The following MLYCD variants were observed in gnomAD, a reference collection of about 807,000 sequenced individuals.
MLYCD encodes malonyl-CoA decarboxylase.
A neutral mutation model predicts 35.8 loss-of-function variants in MLYCD; 27 were observed. The ratio of observed to expected loss-of-function variants is 0.75; its 90% CI spans 0.56 to 1.04. The LOEUF (loss-of-function observed/expected upper bound fraction) is 1.04, where lower values mean the gene tolerates loss of function less well. Among genes scored for constraint, MLYCD ranks in the 50% least tolerant of loss-of-function variants. The probability of loss-of-function intolerance (pLI) is 0.00; values close to 1 mark genes in which losing one functional copy is unlikely to be tolerated. For missense variants in MLYCD, 917 were observed against 665.1 expected (o/e 1.38, Z -4.17); for synonymous variants, 403 against 302.4 (o/e 1.33, Z -3.45).
chr16:83,919,447 G>C lies in MLYCD; in HGVS notation c.*3958G>C, dbSNP rs914988487. ...GCACACAGGAGAACATGCACACACAGTGCACAGGAGAACACAGTGCACAGG... is the reference window on the plus strand; with the variant it reads ...GCACACAGGAGAACATGCACACACACTGCACAGGAGAACACAGTGCACAGG... On this transcript the variant is annotated 3_prime_UTR_variant, in exon 5 of 5. Coordinates refer to ENST00000262430, the MANE Select transcript of MLYCD (RefSeq NM_012213.3). 2.0e-5 allele frequency: 3 copies of C among 146,680 alleles called. No individual in the cohort carries two copies. The highest frequency in any genetic ancestry group is 7.7e-5 in the African/African-American group (3 of 38,962). The allele number at this position is 146,680 out of a possible 1,614,324, so 9.1% of individuals were successfully genotyped here.
At position 83,917,560 on chromosome 16, in the gene MLYCD, C is replaced by T. The variant is rs115899680; in HGVS notation, c.*2071C>T. The T allele has an allele frequency of 0.02, 3,047 of 153,058 alleles. 113 individuals carry two copies. Among genetic ancestry groups the T allele is most frequent in the African/African-American group, 0.069 (2,874 of 41,582 alleles). The allele number at this position is 153,058 out of a possible 1,614,324, so 9.5% of individuals were successfully genotyped here. A position where few individuals can be genotyped will look rare whatever the true frequency, so the allele number is the denominator to read the frequency against. On this transcript the variant is annotated 3_prime_UTR_variant, in exon 5 of 5. Coordinates refer to ENST00000262430, the MANE Select transcript of MLYCD (RefSeq NM_012213.3). ...GTACGGCGTGTTGCTTCGTGACAGA[C>T]GGTGTGATCGCGGGAGCTGTCTCAT... is the stretch of plus-strand genomic sequence containing the variant.
At chr16:83,907,881 A>T (rs1192165088) in intron 2 of MLYCD, among the ~76,000 whole-genome samples, 16 of 152,190 alleles carry the variant, frequency 1.1e-4, no homozygotes, top group Non-Finnish European at 4.4e-5. Flanking sequence ...GGAGCCTCAC[A>T]AACTCCTTTT....
rs745604653 is a variant in MLYCD at position 83,899,157 on chromosome 16, G to C, written c.13G>C (p.Gly5Arg). The C allele has an allele frequency of 5.2e-6, 6 of 1,148,884 alleles. No individual in the cohort carries two copies. In the African/African-American group the frequency reaches 9.9e-5, roughly 19 times the overall value. The allele number at this position is 1,148,884 out of a possible 1,614,324, so 71.2% of individuals were successfully genotyped here. A position where few individuals can be genotyped will look rare whatever the true frequency, so the allele number is the denominator to read the frequency against. ...GTTGTGGGGCACCATGCGAGGCTTCGGGCCAGGCTTGACGGCCAGGCGTCT... is the reference window on the plus strand; with the variant it reads ...GTTGTGGGGCACCATGCGAGGCTTCCGGCCAGGCTTGACGGCCAGGCGTCT... MRGFGPGLTARRLLP... is the reference protein window; with the variant it reads MRGFRPGLTARRLLP... Residue 5 changes from glycine (G) to arginine (R), a missense_variant, in exon 1 of 5, where the codon GGG becomes CGG. Gly to Arg is a moderately radical substitution (Grantham distance 125, BLOSUM62 -2). Transcript: ENST00000262430.
rs141908491 is a variant in MLYCD at position 83,918,757 on chromosome 16, G to GCA, written c.*3273_*3274dup. On this transcript the variant is annotated 3_prime_UTR_variant, in exon 5 of 5. Transcript: ENST00000262430. The stretch of plus-strand genomic sequence containing the variant: ...CAGAACACAGTGCACAGGAGAACAC[G>GCA]CACACAGTGCACAGAGAACCACACA... 0.18 allele frequency: 24,101 copies of GCA among 132,402 alleles called. 2,078 individuals carry two copies. The highest frequency in any genetic ancestry group is 0.22 in the African/African-American group (7,623 of 34,942). The allele number at this position is 132,402 out of a possible 1,614,324, so 8.2% of individuals were successfully genotyped here.
At chr16:83,911,541 C>G (rs17783909) in intron 3 of MLYCD, 10,932 of 153,834 alleles carry the variant, frequency 0.071, 476 homozygotes, top group Non-Finnish European at 0.095. Flanking sequence ...GAAAACGCTG[C>G]CGTGAGAATG....
chr16:83,915,066 A>C lies in MLYCD; in HGVS notation c.1059A>C (p.Glu353Asp), dbSNP rs1298654618. ...NSQTKEHGRN[E>D]LFTDSECKEI... Reference sequence around the variant, plus strand: ...AAACGAAGGAGCATGGGAGGAATGAACTCTTTACAGATTCGGAATGTAAGG... The same window carrying C: ...AAACGAAGGAGCATGGGAGGAATGACCTCTTTACAGATTCGGAATGTAAGG... The change falls in exon 5 of 5, where the codon GAA becomes GAC. Residue 353 changes from glutamate (E) to aspartate (D), a missense_variant. By Grantham distance (45) the Glu-to-Asp change is conservative. Coordinates refer to ENST00000262430, the MANE Select transcript of MLYCD (RefSeq NM_012213.3). 6.2e-7 allele frequency: 1 copy of C among 1,614,110 alleles called. No individual in the cohort carries two copies. Among genetic ancestry groups the C allele is most frequent in the South Asian group, 1.1e-5 (1 of 91,090 alleles).
intron 1 of MLYCD, among the ~76,000 whole-genome samples, chr16:83,903,708 G>A (rs1438774120): frequency 6.6e-6 from 1 of 152,262 alleles, no homozygotes; most frequent in Non-Finnish European, 1.5e-5. Flanking sequence ...TACTTGGGAG[G>A]TTCAGCTGAG....
chr16:83,912,353 G>T lies in MLYCD; in HGVS notation c.934G>T (p.Val312Phe). 2 of 1,614,148 alleles carry T rather than the reference G, an allele frequency of 1.2e-6. No individual in the cohort carries two copies. Among genetic ancestry groups the T allele is most frequent in the African/African-American group, 1.3e-5 (1 of 75,022 alleles). Reference sequence around the variant, plus strand: ...GGGAACATTCCTCATAAAGCGAGTCGTCAAGGAGTTGCAGGTAAGCGACAC... The same window carrying T: ...GGGAACATTCCTCATAAAGCGAGTCTTCAAGGAGTTGCAGGTAAGCGACAC... ...ELGTFLIKRV[V>F]KELQREFPHL... The change falls in exon 4 of 5, where the codon GTC becomes TTC. Residue 312 changes from valine to phenylalanine, a missense_variant. By Grantham distance (50) the Val-to-Phe change is conservative. Transcript: ENST00000262430.
chr16:83,915,939 G>A lies in MLYCD; in HGVS notation c.*450G>A, dbSNP rs148426570. The A allele has an allele frequency of 1.4e-4, 146 of 1,070,832 alleles. 1 individual carries two copies. The African/African-American group carries it at 1.8e-3, about 13-fold the overall frequency. 66.3% of individuals were successfully genotyped at this position (1,070,832 alleles called of 1,614,324 possible). On this transcript the variant is annotated 3_prime_UTR_variant, in exon 5 of 5. Coordinates refer to ENST00000262430, the MANE Select transcript of MLYCD (RefSeq NM_012213.3). ...GAATGCGGCGATGGTTGCTTTAGCC[G>A]TTTCTCACCATGCAATGCAGAGGGA...
chr16:83,907,510 A>G (rs1026293148), intron 2 of MLYCD, among the ~76,000 whole-genome samples: 6 of 152,178 alleles, frequency 3.9e-5, no homozygotes, highest in Admixed American at 3.9e-4. Flanking sequence ...AAATCTCTAA[A>G]CAAACTATAT....
In MLYCD at chr16:83,924,294, G is replaced by A. The variant is rs12598111; in HGVS notation, c.*8805G>A. 0.071 allele frequency: 10,745 copies of A among 152,188 alleles called. 1,152 individuals are homozygous for A. The highest frequency in any genetic ancestry group is 0.23 in the African/African-American group (9,585 of 41,434). 9.4% of individuals were successfully genotyped at this position (152,188 alleles called of 1,614,324 possible). ...TGGCCCTGTGGTGAGTGCACCCAGA[G>A]CAGGTGTCTCTCCGGAGCAGTTGAG... On this transcript the variant is annotated 3_prime_UTR_variant, in exon 5 of 5. Transcript: ENST00000262430.
In MLYCD at chr16:83,899,357, C is replaced by T. The variant is rs780815688; in HGVS notation, c.213C>T (p.Phe71=). The change falls in exon 1 of 5, where the codon TTC becomes TTT. Residue 71 remains phenylalanine (F), a synonymous_variant. Coordinates refer to ENST00000262430, the MANE Select transcript of MLYCD (RefSeq NM_012213.3). Reference sequence around the variant, plus strand: ...CCGCCGAGGGTCAGTGCGCGGACTTCGTGAGCTTCTACGGTGGGCTGGCCG... The same window carrying T: ...CCGCCGAGGGTCAGTGCGCGGACTTTGTGAGCTTCTACGGTGGGCTGGCCG... ...PAPAEGQCAD[F]VSFYGGLAET... 1.3e-6 allele frequency: 2 copies of T among 1,526,056 alleles called. No homozygotes were observed. Among genetic ancestry groups the T allele is most frequent in the Non-Finnish European group, 1.7e-6 (2 of 1,145,514 alleles). 94.5% of individuals were successfully genotyped at this position (1,526,056 alleles called of 1,614,324 possible). A position where few individuals can be genotyped will look rare whatever the true frequency, so the allele number is the denominator to read the frequency against.
intron 2 of MLYCD, 149 bp downstream of exon 2, chr16:83,907,248 C>A (rs1907012192): frequency 8.4e-6 from 6 of 714,760 alleles, no homozygotes; most frequent in Non-Finnish European, 1.4e-5. Flanking sequence ...TTTGCAAATG[C>A]TGCGGCTGTC....
chr16:83,899,437 A>C lies in MLYCD; in HGVS notation c.293A>C (p.Asp98Ala), dbSNP rs1174766720. ...LGRLARGFGV[D>A]HGQVAEQSAG... ...CGCCTGGCGCGGGGCTTCGGCGTGGACCACGGCCAGGTGGCGGAGCAGAGC... is the reference window on the plus strand; with the variant it reads ...CGCCTGGCGCGGGGCTTCGGCGTGGCCCACGGCCAGGTGGCGGAGCAGAGC... The change falls in exon 1 of 5, where the codon GAC (aspartate) becomes GCC (alanine). Residue 98 changes from aspartate (D) to alanine (A), a missense_variant. By Grantham distance (126) the Asp-to-Ala change is moderately radical (BLOSUM62 -2). Transcript: ENST00000262430. 3 of 1,518,580 alleles carry C rather than the reference A, an allele frequency of 2.0e-6. No homozygotes were observed. The highest frequency in any genetic ancestry group is 8.7e-7 in the Non-Finnish European group (1 of 1,142,912). 94.1% of individuals were successfully genotyped at this position (1,518,580 alleles called of 1,614,324 possible). A position where few individuals can be genotyped will look rare whatever the true frequency, so the allele number is the denominator to read the frequency against.
chr16:83,915,618 C>T lies in MLYCD; in HGVS notation c.*129C>T, dbSNP rs1907356167. The T allele has an allele frequency of 1.3e-6, 2 of 1,528,482 alleles. No homozygotes were observed. Among genetic ancestry groups the T allele is most frequent in the South Asian group, 1.2e-5 (1 of 83,040 alleles). 94.7% of individuals were successfully genotyped at this position (1,528,482 alleles called of 1,614,324 possible). A position where few individuals can be genotyped will look rare whatever the true frequency, so the allele number is the denominator to read the frequency against. ...GTTGACTGTGTTCTTGTCCCGCAGC[C>T]GGTCCACACTGTGAGGCCAGGCCTC... On this transcript the variant is annotated 3_prime_UTR_variant, in exon 5 of 5. Coordinates refer to ENST00000262430, the MANE Select transcript of MLYCD (RefSeq NM_012213.3).
rs752501198 is a variant in MLYCD at position 83,899,340 on chromosome 16, G to A, written c.196G>A (p.Gly66Ser). The change falls in exon 1 of 5, where the codon GGT becomes AGT. Residue 66 changes from glycine to serine, a missense_variant. Gly to Ser is a moderately conservative substitution (Grantham distance 56, BLOSUM62 0). Transcript: ENST00000262430. ...LREKTPAPAE[G>S]QCADFVSFYG... ...CGAGAAGACACCGGCGCCCGCCGAG[G>A]GTCAGTGCGCGGACTTCGTGAGCTT... 1 of 1,516,032 alleles carries A rather than the reference G, an allele frequency of 6.6e-7. No individual in the cohort carries two copies. The allele number at this position is 1,516,032 out of a possible 1,614,324, so 93.9% of individuals were successfully genotyped here.
chr16:83,899,239 C>T lies in MLYCD; in HGVS notation c.95C>T (p.Ala32Val). Residue 32 changes from alanine (A) to valine (V), a missense_variant, in exon 1 of 5, where the codon GCG becomes GTG. Ala to Val is a moderately conservative substitution (Grantham distance 64, BLOSUM62 0). Coordinates refer to ENST00000262430, the MANE Select transcript of MLYCD (RefSeq NM_012213.3). ...PPGPRLASGQ[A>V]AGALERAMDE... ...GGGCCCCGGCTGGCGAGCGGGCAGG[C>T]GGCCGGCGCCCTGGAGCGGGCCATG... 2.4e-6 allele frequency: 3 copies of T among 1,258,614 alleles called. No homozygotes were observed. Among genetic ancestry groups the T allele is most frequent in the African/African-American group, 1.6e-5 (1 of 63,780 alleles). 78.0% of individuals were successfully genotyped at this position (1,258,614 alleles called of 1,614,324 possible). A position where few individuals can be genotyped will look rare whatever the true frequency, so the allele number is the denominator to read the frequency against.
At chr16:83,911,435 G>T (rs983829191) in intron 3 of MLYCD, among the ~76,000 whole-genome samples, 2 of 152,198 alleles carry the variant, frequency 1.3e-5, no homozygotes, top group African/African-American at 4.8e-5. Context: ...TGGTTTCCCT[G>T]CTTCAAAGCA....
chr16:83,912,458 C>T (rs1164100312), intron 4 of MLYCD, 91 bp downstream of exon 4: 3 of 1,540,712 alleles, frequency 1.9e-6, no homozygotes, highest in Non-Finnish European at 2.7e-6. Flanking sequence ...ATGAGGGACA[C>T]AGATGAAGAC....
Sources: allele counts gnomAD v4.1 joint callset (sites outside exome capture counted in the v4.1 genomes callset), GRCh38; gene constraint gnomAD v4.1.1; transcripts MANE v1.5; gene names NCBI Gene and HGNC (gene_info 2026-07-23, HGNC 2026-07-21).